Variants in ENOX2 observed in about 807,000 individuals in gnomAD.
ENOX2 encodes ecto-NOX disulfide-thiol exchanger 2.
ENOX2 carries 36 observed loss-of-function variants against 45.0 expected under a neutral mutation model. That is an observed-to-expected ratio of 0.80 (90% CI 0.61 to 1.06). The LOEUF (loss-of-function observed/expected upper bound fraction) is 1.06, where lower values mean the gene tolerates loss of function less well. Among genes scored for constraint, ENOX2 ranks in the 50% least tolerant of loss-of-function variants. ENOX2 has a pLI of 0.00. For missense variants in ENOX2, 423 were observed against 462.5 expected (o/e 0.91, Z 0.78); for synonymous variants, 174 against 152.3 (o/e 1.14, Z -1.05).
chrX:130,710,084 T>C (rs915051287), intron 3 of ENOX2, among the ~76,000 whole-genome samples: 2 of 112,037 alleles, frequency 1.8e-5, no homozygotes, highest in African/African-American at 6.5e-5. Context: ...AGTTATATAA[T>C]GCTTACTATG....
At chrX:130,740,154 G>C (rs922890196) in intron 3 of ENOX2, among the ~76,000 whole-genome samples, 22 of 112,086 alleles carry the variant, frequency 2.0e-4, no homozygotes, top group Non-Finnish European at 1.9e-5. Flanking sequence ...TGTAATCCCA[G>C]CTTTGGGAGG....
At chrX:130,639,885 T>C (rs1040515567) in intron 10 of ENOX2, among the ~76,000 whole-genome samples, 1 of 112,142 alleles carries the variant, frequency 8.9e-6, no homozygotes, top group African/African-American at 3.2e-5. Context: ...CTTCCAAAAC[T>C]GAAAACCTGT....
intron 3 of ENOX2, among the ~76,000 whole-genome samples, chrX:130,753,927 T>C (rs2039289031): frequency 9.0e-6 from 1 of 110,577 alleles, no homozygotes; most frequent in African/African-American, 3.3e-5. Flanking sequence ...TGGGGAGAGG[T>C]TGGTTAATGA....
At chrX:130,769,510 C>A (rs942689817) in intron 3 of ENOX2, among the ~76,000 whole-genome samples, 4 of 112,020 alleles carry the variant, frequency 3.6e-5, no homozygotes, top group African/African-American at 1.3e-4. Flanking sequence ...AGTTTTATTA[C>A]TTTCATGTAA....
intron 2 of ENOX2, among the ~76,000 whole-genome samples, chrX:130,871,084 G>A (rs1372823050): frequency 1.8e-5 from 2 of 111,570 alleles, no homozygotes; most frequent in African/African-American, 6.5e-5. Context: ...ATGACCACCA[G>A]TACCATGAGC....
At chrX:130,888,261 T>A (rs1370236471) in intron 2 of ENOX2, among the ~76,000 whole-genome samples, 3 of 112,388 alleles carry the variant, frequency 2.7e-5, no homozygotes, top group Non-Finnish European at 3.8e-5. Context: ...TGTAAGTGCT[T>A]CAGTTTTACT....
intron 9 of ENOX2, among the ~76,000 whole-genome samples, chrX:130,661,989 T>C (rs2036703851): frequency 8.9e-6 from 1 of 111,801 alleles, no homozygotes; most frequent in South Asian, 3.8e-4. Flanking sequence ...ATGGCTCTAG[T>C]TTTTACACAT....
At chrX:130,750,331 G>A (rs771774195) in intron 3 of ENOX2, among the ~76,000 whole-genome samples, 14 of 110,453 alleles carry the variant, frequency 1.3e-4, no homozygotes, top group Non-Finnish European at 2.3e-4. Context: ...GTCTCTGTAT[G>A]TGTCTCTTTT....
chrX:130,898,481 T>TGTGTGC (rs778129936), intron 2 of ENOX2, among the ~76,000 whole-genome samples: 3 of 111,082 alleles, frequency 2.7e-5, no homozygotes, highest in Non-Finnish European at 5.7e-5. Context: ...CACAGATGTG[T>TGTGTGC]GTGTGCGTGT....
At chrX:130,804,093 C>T (rs2077262110) in intron 2 of ENOX2, among the ~76,000 whole-genome samples, 1 of 111,068 alleles carries the variant, frequency 9.0e-6, no homozygotes, top group African/African-American at 3.3e-5. Flanking sequence ...CCTTCCCTGC[C>T]CACCCTCTGG....
chrX:130,788,468 C>T (rs951939979), intron 2 of ENOX2, among the ~76,000 whole-genome samples: 8 of 111,678 alleles, frequency 7.2e-5, no homozygotes, highest in Non-Finnish European at 3.8e-5. Context: ...TCGCCTGGGA[C>T]TCATTCCTTG....
chrX:130,823,191 G>C (rs775835453), intron 2 of ENOX2, among the ~76,000 whole-genome samples: 1 of 111,752 alleles, frequency 8.9e-6, no homozygotes, highest in Non-Finnish European at 1.9e-5. Context: ...CAGATATATA[G>C]AGGGGCAGAA....
At chrX:130,699,767 C>T (rs1410067326) in intron 4 of ENOX2, among the ~76,000 whole-genome samples, 2 of 112,073 alleles carry the variant, frequency 1.8e-5, no homozygotes, top group Non-Finnish European at 3.8e-5. Context: ...GGCATCAGCA[C>T]TGTCAGACAT....
intron 3 of ENOX2, among the ~76,000 whole-genome samples, chrX:130,759,577 CAAAAAAAAAAAAAAA>C (rs753411112): frequency 2.0e-4 from 4 of 19,948 alleles, no homozygotes; most frequent in Non-Finnish European, 4.0e-4. Flanking sequence ...GACTATGTAC[CAAAAAAAAAAAAAAA>C]AAAAAAAAAA....
intron 3 of ENOX2, among the ~76,000 whole-genome samples, chrX:130,765,191 G>A (rs764927061): frequency 1.2e-4 from 13 of 111,079 alleles, no homozygotes; most frequent in Non-Finnish European, 1.9e-4. Flanking sequence ...GCAGTGGTCC[G>A]CTAGTTATTT....
chrX:130,675,715 TGAAG>T (rs1007143502), intron 6 of ENOX2, among the ~76,000 whole-genome samples: 12 of 111,301 alleles, frequency 1.1e-4, no homozygotes, highest in Non-Finnish European at 2.3e-4. Context: ...AATGGTTGCC[TGAAG>T]GGAGAGTGGT....
chrX:130,738,180 G>A (rs2038904398), intron 3 of ENOX2, among the ~76,000 whole-genome samples: 1 of 112,217 alleles, frequency 8.9e-6, no homozygotes, highest in Non-Finnish European at 1.9e-5. Context: ...GTAGTGTGTA[G>A]GTGTGAAATA....
intron 7 of ENOX2, among the ~76,000 whole-genome samples, chrX:130,668,621 A>C (rs992655963): frequency 4.5e-5 from 5 of 111,481 alleles, no homozygotes; most frequent in African/African-American, 1.6e-4. Context: ...GTACATTTGG[A>C]TCTATTGAAG....
intron 3 of ENOX2, among the ~76,000 whole-genome samples, chrX:130,725,133 C>A (rs1387305531): frequency 5.4e-5 from 6 of 111,353 alleles, no homozygotes; most frequent in African/African-American, 1.3e-4. Flanking sequence ...TATTAACATA[C>A]TCCCCTTATT....
Sources: gnomAD v4.1 joint callset for allele counts (sites outside exome capture counted in the v4.1 genomes callset) on GRCh38, gnomAD v4.1.1 for gene constraint, MANE v1.5 for transcripts, NCBI Gene and HGNC (gene_info 2026-07-23, HGNC 2026-07-21) for gene names.